The following ADGRL2 variants were observed in gnomAD, a reference collection of about 807,000 sequenced individuals.
ADGRL2 encodes calcium-independent alpha-latrotoxin receptor 2.
A neutral mutation model predicts 157.4 loss-of-function variants in ADGRL2; 44 were observed. The ratio of observed to expected loss-of-function variants is 0.28; its 90% CI spans 0.22 to 0.36. The LOEUF is 0.36. Among genes scored for constraint, ADGRL2 ranks in the 10% least tolerant of loss-of-function variants. ADGRL2 has a pLI of 1.00. For synonymous variants in ADGRL2, 585 were observed against 624.7 expected (o/e 0.94, Z 0.95); for missense variants, 1,510 against 1,768.9 (o/e 0.85, Z 2.63).
chr1:81,701,907 C>T (rs1387092814), intron 1 of ADGRL2, among the ~76,000 whole-genome samples: 2 of 152,170 alleles, frequency 1.3e-5, no homozygotes, highest in Admixed American at 6.5e-5. Flanking sequence ...ATGTTTTTAG[C>T]AGTCATTACC....
chr1:81,640,356 C>T (rs1041819860), intron 3 of ADGRL2, among the ~76,000 whole-genome samples: 6 of 151,878 alleles, frequency 4.0e-5, no homozygotes, highest in Admixed American at 2.0e-4. Context: ...ATTATAGGGC[C>T]GGGCGCGGTG....
intron 2 of ADGRL2, among the ~76,000 whole-genome samples, chr1:81,544,690 C>T (rs2079970051): frequency 6.6e-6 from 1 of 152,180 alleles, no homozygotes; most frequent in Non-Finnish European, 1.5e-5. Flanking sequence ...CATAGAGAGA[C>T]AACTGCCAGT....
At chr1:81,452,360 C>A (rs550416491) in intron 2 of ADGRL2, among the ~76,000 whole-genome samples, 1 of 152,248 alleles carries the variant, frequency 6.6e-6, no homozygotes, top group African/African-American at 2.4e-5. Context: ...CCCACAAAAG[C>A]AATTAAAATG....
intron 2 of ADGRL2, among the ~76,000 whole-genome samples, chr1:81,574,261 T>A (rs547907104): frequency 6.6e-6 from 1 of 151,556 alleles, no homozygotes; most frequent in African/African-American, 2.4e-5. Flanking sequence ...ATGAAAGTGG[T>A]TTAAGCTGCA....
chr1:81,360,923 C>T (rs1304921529), intron 1 of ADGRL2, among the ~76,000 whole-genome samples: 2 of 151,844 alleles, frequency 1.3e-5, no homozygotes, highest in African/African-American at 4.8e-5. Context: ...AGACTTTCTT[C>T]TGACCTAGTA....
chr1:81,371,180 C>G (rs2076154365), intron 1 of ADGRL2, among the ~76,000 whole-genome samples: 3 of 152,196 alleles, frequency 2.0e-5, no homozygotes, highest in African/African-American at 7.2e-5. Context: ...GCCAAGGCTA[C>G]TAGAACCGAC....
chr1:81,791,198 T>C (rs1458568405), intron 2 of ADGRL2, among the ~76,000 whole-genome samples: 2 of 151,650 alleles, frequency 1.3e-5, no homozygotes, highest in Admixed American at 1.3e-4. Flanking sequence ...ATTTAAGGCA[T>C]CTTTTAAAAA....
At chr1:81,807,639 T>C (rs545848727) in intron 1 of ADGRL2, among the ~76,000 whole-genome samples, 168 of 152,080 alleles carry the variant, frequency 1.1e-3, no homozygotes, top group African/African-American at 3.9e-3. Context: ...TGACTTAGTG[T>C]GGTAATTTCT....
chr1:81,886,235 G>C (rs913348465), intron 2 of ADGRL2, among the ~76,000 whole-genome samples: 2 of 152,062 alleles, frequency 1.3e-5, no homozygotes, highest in Non-Finnish European at 2.9e-5. Context: ...GCAGTGGTGC[G>C]ATCTCAGCTC....
chr1:81,497,804 T>G (rs55745318), intron 2 of ADGRL2, among the ~76,000 whole-genome samples: 2,487 of 152,310 alleles, frequency 0.016, 38 homozygotes, highest in African/African-American at 0.04. Context: ...CATTATTAAC[T>G]GGTCTATTTT....
intron 2 of ADGRL2, among the ~76,000 whole-genome samples, chr1:81,575,481 GCTA>G (rs1422838297): frequency 6.6e-6 from 1 of 152,080 alleles, no homozygotes; most frequent in Non-Finnish European, 1.5e-5. Flanking sequence ...ATCTAATAGT[GCTA>G]CTATCACTGA....
intron 2 of ADGRL2, among the ~76,000 whole-genome samples, chr1:81,498,301 ATTAT>A (rs1160595466): frequency 1.3e-5 from 2 of 152,228 alleles, no homozygotes; most frequent in African/African-American, 2.4e-5. Context: ...ATGTGTACAC[ATTAT>A]TTATATATAC....
intron 2 of ADGRL2, among the ~76,000 whole-genome samples, chr1:81,900,306 C>G (rs1031771361): frequency 6.6e-6 from 1 of 152,186 alleles, no homozygotes; most frequent in African/African-American, 2.4e-5. Flanking sequence ...TTATGAAAAT[C>G]TACTAGAACT....
At chr1:81,723,639 C>A (rs1557597714) in intron 1 of ADGRL2, among the ~76,000 whole-genome samples, 1 of 152,110 alleles carries the variant, frequency 6.6e-6, no homozygotes, top group Non-Finnish European at 1.5e-5. Flanking sequence ...TTTGGCTTGT[C>A]TTTTTAAATG....
chr1:81,956,210 A>G (rs889206793), intron 11 of ADGRL2, 150 bp downstream of exon 11: 5 of 581,352 alleles, frequency 8.6e-6, no homozygotes, highest in Non-Finnish European at 1.4e-5. Flanking sequence ...ATTATTGACC[A>G]CACTTACTAA....
chr1:81,646,911 C>A (rs1218276947), intron 3 of ADGRL2, among the ~76,000 whole-genome samples: 1 of 152,152 alleles, frequency 6.6e-6, no homozygotes, highest in Non-Finnish European at 1.5e-5. Flanking sequence ...TTATGCCTTA[C>A]GTGAATGTAC....
At chr1:81,880,417 G>C (rs1341839682) in intron 2 of ADGRL2, among the ~76,000 whole-genome samples, 11 of 152,122 alleles carry the variant, frequency 7.2e-5, no homozygotes, top group Non-Finnish European at 1.2e-4. Flanking sequence ...ATTGATGCAG[G>C]TTATTTTCCT....
chr1:81,798,382 CTA>C (rs1323407011), upstream of ADGRL2, among the ~76,000 whole-genome samples: 2 of 151,986 alleles, frequency 1.3e-5, no homozygotes, highest in Non-Finnish European at 2.9e-5. Flanking sequence ...AGTATTACCT[CTA>C]AAGAATAAAG....
chr1:81,307,417 A>C (rs778706981), intron 1 of ADGRL2, among the ~76,000 whole-genome samples: 2 of 152,206 alleles, frequency 1.3e-5, no homozygotes, highest in Non-Finnish European at 2.9e-5. Context: ...AACATACTGA[A>C]ATGTCATAAC....
Sources: allele counts gnomAD v4.1 joint callset (sites outside exome capture counted in the v4.1 genomes callset), GRCh38; gene constraint gnomAD v4.1.1; transcripts MANE v1.5; gene names NCBI Gene and HGNC (gene_info 2026-07-23, HGNC 2026-07-21).